CCR5AS: variants seen among roughly 807,000 people sequenced by gnomAD.
The protein encoded by CCR5AS is CCR5 antisense RNA.
intron 2 of CCR5AS, among the ~76,000 whole-genome samples, chr3:46,385,494 T>C (rs1701852810): frequency 1.3e-5 from 2 of 152,204 alleles, no homozygotes; most frequent in African/African-American, 4.8e-5. Context: ...CCTCATTATA[T>C]GCTCAATAAC....
chr3:46,379,661 G>T (rs147541291), intron 2 of CCR5AS, among the ~76,000 whole-genome samples: 2 of 152,188 alleles, frequency 1.3e-5, no homozygotes, highest in African/African-American at 4.8e-5. Flanking sequence ...TTGGGAGACC[G>T]AGGAGGGCAG....
At chr3:46,392,099 T>G (rs1362203412) in intron 2 of CCR5AS, among the ~76,000 whole-genome samples, 1 of 152,182 alleles carries the variant, frequency 6.6e-6, no homozygotes, top group Admixed American at 6.5e-5. Flanking sequence ...TTGGAACTAT[T>G]GTCAAGTTTG....
chr3:46,376,613 C>T (rs1162640069), intron 2 of CCR5AS, among the ~76,000 whole-genome samples: 1 of 152,160 alleles, frequency 6.6e-6, no homozygotes, highest in African/African-American at 2.4e-5. Flanking sequence ...GTCACTTACC[C>T]GCAGCCCTGA....
chr3:46,404,604 C>T lies in CCR5AS; in HGVS notation n.163+2293G>A, dbSNP rs149979493. Among the ~76,000 whole-genome samples the T allele has an allele frequency of 8.9e-3, 1,347 of 152,194 alleles. 19 individuals carry two copies. Among genetic ancestry groups the T allele is most frequent in the African/African-American group, 0.031 (1,284 of 41,504 alleles). ...CCACCCACCTCAGCCTCCCAAAGTGCTGGGATTACAGGCATGAGCCACCAC... is the reference window on the plus strand; with the variant it reads ...CCACCCACCTCAGCCTCCCAAAGTGTTGGGATTACAGGCATGAGCCACCAC... On this transcript the variant is annotated intron_variant and non_coding_transcript_variant, in intron 1 of 3. Transcript: ENST00000451485.
intron 2 of CCR5AS, chr3:46,373,092 A>T: frequency 6.2e-7 from 1 of 1,614,202 alleles, no homozygotes; most frequent in Non-Finnish European, 8.5e-7. Flanking sequence ...GCTGAAGAGC[A>T]TGACTGACAT....
Position 46,402,030 on chromosome 3 carries a change from C to T in CCR5AS, n.163+4867G>A, listed in dbSNP as rs573002128. 2.1e-4 allele frequency among the ~76,000 whole-genome samples: 32 copies of T among 152,228 alleles called. No homozygotes were observed. The South Asian group carries it at 6.4e-3, about 31-fold the overall frequency. ...TCTGAGAAGTCCTGTAGTAAAGAAA[C>T]TTGCTTTAGTTTTTTAGTCCAGCAA... On this transcript the variant is annotated intron_variant and non_coding_transcript_variant, in intron 1 of 3. Coordinates refer to ENST00000451485, the Ensembl canonical transcript of CCR5AS.
At chr3:46,398,026 A>G (rs1218632909) in intron 1 of CCR5AS, among the ~76,000 whole-genome samples, 1 of 152,214 alleles carries the variant, frequency 6.6e-6, no homozygotes, top group Non-Finnish European at 1.5e-5. Flanking sequence ...AGAGATCCTG[A>G]TGTAAATCTA....
chr3:46,373,548 G>A (rs747625967), intron 2 of CCR5AS: 4 of 1,613,044 alleles, frequency 2.5e-6, no homozygotes, highest in Non-Finnish European at 8.5e-7. Flanking sequence ...CTGCTACTCG[G>A]GAATCCTAAA....
intron 2 of CCR5AS, among the ~76,000 whole-genome samples, chr3:46,383,762 TC>T (rs1247187480): frequency 6.6e-6 from 1 of 152,060 alleles, no homozygotes; most frequent in African/African-American, 2.4e-5. Flanking sequence ...GGTTCTTACT[TC>T]CCCTCTAGTT....
At chr3:46,397,256 G>A (rs907541929) in intron 1 of CCR5AS, among the ~76,000 whole-genome samples, 24 of 152,190 alleles carry the variant, frequency 1.6e-4, no homozygotes, top group African/African-American at 4.6e-4. Flanking sequence ...AGTCAGTTCC[G>A]TACCTGAATC....
chr3:46,389,314 A>T (rs1218694724), intron 2 of CCR5AS, among the ~76,000 whole-genome samples: 1 of 152,190 alleles, frequency 6.6e-6, no homozygotes, highest in Non-Finnish European at 1.5e-5. Context: ...TGGAACAGTG[A>T]ATCCAATGGG....
chr3:46,373,530 A>G (rs1701701662), intron 2 of CCR5AS: 2 of 1,613,296 alleles, frequency 1.2e-6, no homozygotes, highest in Non-Finnish European at 1.7e-6. Flanking sequence ...GCTGCTTGTC[A>G]TGGTCATCTG....
Position 46,380,611 on chromosome 3 carries a change from G to A in CCR5AS, n.392-9194C>T, listed in dbSNP as rs146676716. ...TGGGTCTGGAGTGGGCTCCAACAGC[G>A]GCATGTTTTGATGGTGCTTCCCAGT... is the stretch of plus-strand genomic sequence containing the variant. On this transcript the variant is annotated intron_variant and non_coding_transcript_variant, in intron 2 of 3. Transcript: ENST00000451485. Among the ~76,000 whole-genome samples the A allele has an allele frequency of 1.9e-3, 287 of 152,310 alleles. 2 individuals carry two copies. Among genetic ancestry groups the A allele is most frequent in the Middle Eastern group, 3.4e-3 (1 of 294 alleles).
intron 1 of CCR5AS, among the ~76,000 whole-genome samples, chr3:46,401,956 C>T (rs962596153): frequency 6.6e-6 from 1 of 152,060 alleles, no homozygotes; most frequent in Non-Finnish European, 1.5e-5. Context: ...ACACTCCATA[C>T]CCTTTCTTCC....
intron 1 of CCR5AS, among the ~76,000 whole-genome samples, chr3:46,397,549 G>A (rs986726193): frequency 6.6e-5 from 10 of 152,228 alleles, no homozygotes; most frequent in Admixed American, 2.6e-4. Flanking sequence ...AGGGCAAGGG[G>A]AGGGAGCTGC....
intron 2 of CCR5AS, among the ~76,000 whole-genome samples, chr3:46,389,640 G>C (rs1425747485): frequency 6.6e-6 from 1 of 152,228 alleles, no homozygotes; most frequent in Non-Finnish European, 1.5e-5. Flanking sequence ...GGGAGTGCTA[G>C]TGTGGGAGCT....
At chr3:46,374,026 C>A in intron 2 of CCR5AS, 1 of 1,257,930 alleles carries the variant, frequency 7.9e-7, no homozygotes, top group Non-Finnish European at 1.1e-6. Context: ...TCATACACAG[C>A]CTGGGCTGGG....
intron 3 of CCR5AS, among the ~76,000 whole-genome samples, chr3:46,369,182 G>A (rs1701630759): frequency 6.6e-6 from 1 of 152,188 alleles, no homozygotes; most frequent in Non-Finnish European, 1.5e-5. Context: ...TATTGAGTAA[G>A]TTTGTATTTG....
intron 3 of CCR5AS, among the ~76,000 whole-genome samples, chr3:46,368,838 T>A (rs1478393904): frequency 6.6e-6 from 1 of 152,122 alleles, no homozygotes; most frequent in African/African-American, 2.4e-5. Flanking sequence ...TCCAATACCC[T>A]AATGACAGAC....
Sources: allele counts gnomAD v4.1 joint callset (sites outside exome capture counted in the v4.1 genomes callset), GRCh38; gene constraint gnomAD v4.1.1; transcripts MANE v1.5; gene names NCBI Gene and HGNC (gene_info 2026-07-23, HGNC 2026-07-21).